The following JMJD1C variants were observed in gnomAD, a reference collection of about 807,000 sequenced individuals.
JMJD1C encodes jumonji domain containing 1C, also known as jumonji domain-containing protein 1C.
Under a neutral mutation model 245.3 loss-of-function variants are expected in JMJD1C, and 31 were observed. That is an observed-to-expected ratio of 0.13 (90% CI 0.09 to 0.17). The LOEUF (loss-of-function observed/expected upper bound fraction) is 0.17, where lower values mean the gene tolerates loss of function less well. Ranked by LOEUF, JMJD1C falls within the 10% of genes least tolerant of loss-of-function variation. JMJD1C has a pLI of 1.00. For missense variants in JMJD1C, 2,691 were observed against 3,000.2 expected (o/e 0.90, Z 2.41); for synonymous variants, 1,057 against 1,017.4 (o/e 1.04, Z -0.74).
chr10:63,359,494 T>C (rs1024743946), intron 2 of JMJD1C, among the ~76,000 whole-genome samples: 3 of 152,236 alleles, frequency 2.0e-5, no homozygotes, highest in Non-Finnish European at 4.4e-5. Flanking sequence ...CCCTTGTTTC[T>C]TTCTGCATTC....
intron 1 of JMJD1C, among the ~76,000 whole-genome samples, chr10:63,453,266 C>A (rs986255576): frequency 2.1e-4 from 32 of 152,252 alleles, no homozygotes; most frequent in Admixed American, 2.1e-3. Context: ...CAGAGCAAGA[C>A]CCTGTCTCAA....
intron 1 of JMJD1C, among the ~76,000 whole-genome samples, chr10:63,517,309 A>AC (rs1397420874): frequency 6.6e-6 from 1 of 152,210 alleles, no homozygotes; most frequent in Non-Finnish European, 1.5e-5. Context: ...TGCACATTCC[A>AC]CATATCTCCT....
intron 2 of JMJD1C, among the ~76,000 whole-genome samples, chr10:63,273,709 G>C (rs548087901): frequency 6.6e-6 from 1 of 152,258 alleles, no homozygotes; most frequent in African/African-American, 2.4e-5. Context: ...CAGGCTAGGG[G>C]AAGAGGAAAC....
intron 24 of JMJD1C, among the ~76,000 whole-genome samples, chr10:63,172,997 C>A (rs1842520986): frequency 6.6e-6 from 1 of 150,718 alleles, no homozygotes; most frequent in Non-Finnish European, 1.5e-5. Context: ...GACCACTGTT[C>A]CCAAAAAAGT....
At chr10:63,398,292 T>C (rs1228911941) in intron 1 of JMJD1C, among the ~76,000 whole-genome samples, 2 of 152,170 alleles carry the variant, frequency 1.3e-5, no homozygotes, top group African/African-American at 4.8e-5. Context: ...AATCTATTAT[T>C]TATAGGTTCC....
At chr10:63,466,219 T>G, upstream of JMJD1C, 1 of 175,366 alleles carries the variant, frequency 5.7e-6, no homozygotes. Context: ...TCAAAGCTTT[T>G]GGGGGTCTAC....
intron 2 of JMJD1C, among the ~76,000 whole-genome samples, chr10:63,293,890 A>T (rs7913332): frequency 0.67 from 101,569 of 151,898 alleles, 36,424 homozygotes; most frequent in Non-Finnish European, 0.81. Flanking sequence ...CAACTGATCA[A>T]CTTATGGCTC....
chr10:63,313,839 T>C (rs1939568655), intron 2 of JMJD1C, among the ~76,000 whole-genome samples: 1 of 152,242 alleles, frequency 6.6e-6, no homozygotes, highest in African/African-American at 2.4e-5. Context: ...TATTAGTCCT[T>C]TATAGGATGT....
intron 12 of JMJD1C, 62 bp from the exon 13 acceptor site, chr10:63,197,625 G>A: frequency 7.1e-7 from 1 of 1,416,194 alleles, no homozygotes; most frequent in Non-Finnish European, 9.4e-7. Context: ...GGCAATTTTG[G>A]CTGAAATACA....
chr10:63,303,454 C>T (rs532785049), intron 2 of JMJD1C, among the ~76,000 whole-genome samples: 5 of 152,260 alleles, frequency 3.3e-5, no homozygotes, highest in South Asian at 2.1e-4. Flanking sequence ...TACAGGCACG[C>T]GCCACCACAC....
intron 10 of JMJD1C, chr10:63,204,457 T>C: frequency 3.0e-6 from 3 of 985,348 alleles, no homozygotes; most frequent in South Asian, 9.4e-5. Context: ...TCACAAGAGT[T>C]TTCTAGGCAT....
chr10:63,291,162 G>A (rs563285543), intron 2 of JMJD1C, among the ~76,000 whole-genome samples: 1 of 151,572 alleles, frequency 6.6e-6, no homozygotes, highest in African/African-American at 2.4e-5. Flanking sequence ...AAAAAAATTA[G>A]CTAGGCATGG....
At chr10:63,238,862 T>C (rs1451895082) in intron 3 of JMJD1C, among the ~76,000 whole-genome samples, 1 of 152,252 alleles carries the variant, frequency 6.6e-6, no homozygotes, top group Admixed American at 6.5e-5. Context: ...TATCAATTAC[T>C]GTGCCAAGGC....
chr10:63,353,412 A>ATCT (rs1944526680), intron 2 of JMJD1C, among the ~76,000 whole-genome samples: 1 of 152,230 alleles, frequency 6.6e-6, no homozygotes, highest in African/African-American at 2.4e-5. Flanking sequence ...TAATGTGAAG[A>ATCT]TGCTAACAGA....
intron 2 of JMJD1C, among the ~76,000 whole-genome samples, chr10:63,305,789 G>C (rs191087298): frequency 1.2e-4 from 18 of 151,962 alleles, no homozygotes; most frequent in African/African-American, 4.1e-4. Flanking sequence ...TCTGTGTGCA[G>C]TGGCACAATC....
At chr10:63,371,664 C>T (rs1946333422) in intron 2 of JMJD1C, among the ~76,000 whole-genome samples, 1 of 128,770 alleles carries the variant, frequency 7.8e-6, no homozygotes, top group African/African-American at 2.7e-5. Context: ...GTATGAACTT[C>T]TTATGGTTCT....
chr10:63,173,440 A>T (rs1008476790), intron 24 of JMJD1C, among the ~76,000 whole-genome samples: 1 of 152,214 alleles, frequency 6.6e-6, no homozygotes, highest in African/African-American at 2.4e-5. Flanking sequence ...GGAAAAAACC[A>T]GCCAGGTGGG....
rs766204716 is a variant in JMJD1C, at chr10:63,215,195, A to G, written c.1016-44T>C. On this transcript the variant is annotated intron_variant, in intron 7 of 25. Transcript: ENST00000399262. ...AAGAGTCTTATTTTTCATACTAAATAAGCATATTTTAAAATGTATTTTTGT... is the reference window on the plus strand; with the variant it reads ...AAGAGTCTTATTTTTCATACTAAATGAGCATATTTTAAAATGTATTTTTGT... 2.2e-5 allele frequency: 33 copies of G among 1,521,168 alleles called. No homozygotes were observed. In the African/African-American group the frequency reaches 3.9e-4, roughly 18 times the overall value. 94.2% of individuals were successfully genotyped at this position (1,521,168 alleles called of 1,614,324 possible).
intron 3 of JMJD1C, among the ~76,000 whole-genome samples, chr10:63,241,125 C>T (rs1267808090): frequency 1.3e-5 from 2 of 152,176 alleles, no homozygotes; most frequent in African/African-American, 4.8e-5. Context: ...CACATACACA[C>T]ACACTTAGAA....
Sources: allele counts gnomAD v4.1 joint callset (sites outside exome capture counted in the v4.1 genomes callset), GRCh38; gene constraint gnomAD v4.1.1; transcripts MANE v1.5; gene names NCBI Gene and HGNC (gene_info 2026-07-23, HGNC 2026-07-21).